Variants in SOX6 observed in about 807,000 individuals in gnomAD.
The protein encoded by SOX6 is SRY-box transcription factor 6.
In SOX6, 11 loss-of-function variants were observed where a neutral mutation model predicts 97.8. The ratio of observed to expected loss-of-function variants is 0.11; its 90% CI spans 0.07 to 0.19. The LOEUF (loss-of-function observed/expected upper bound fraction) is 0.19. Among genes scored for constraint, SOX6 ranks in the 10% least tolerant of loss-of-function variants. The pLI is 1.00. For missense variants in SOX6, 810 were observed against 1,039.5 expected (o/e 0.78, Z 3.04); for synonymous variants, 360 against 371.4 (o/e 0.97, Z 0.35).
At chr11:16,732,510 G>A (rs1848358314) in intron 2 of SOX6, among the ~76,000 whole-genome samples, 1 of 152,170 alleles carries the variant, frequency 6.6e-6, no homozygotes, top group African/African-American at 2.4e-5. Context: ...TTACTAAATG[G>A]CTTTGGGAAA....
At chr11:16,021,054 A>G (rs1855044326) in intron 12 of SOX6, among the ~76,000 whole-genome samples, 1 of 152,164 alleles carries the variant, frequency 6.6e-6, no homozygotes, top group Non-Finnish European at 1.5e-5. Flanking sequence ...AGAAGAGCAC[A>G]ATAGAAAAAT....
At chr11:16,244,486 T>C (rs1853278951) in intron 3 of SOX6, among the ~76,000 whole-genome samples, 1 of 151,778 alleles carries the variant, frequency 6.6e-6, no homozygotes, top group South Asian at 2.1e-4. Context: ...TTTTCTGGAT[T>C]CTCTCTATGA....
At chr11:16,628,599 G>A (rs1473187500) in intron 3 of SOX6, among the ~76,000 whole-genome samples, 1 of 150,644 alleles carries the variant, frequency 6.6e-6, no homozygotes, top group Non-Finnish European at 1.5e-5. Context: ...CTCCAGCCTA[G>A]GCGACAGCAA....
intron 4 of SOX6, among the ~76,000 whole-genome samples, chr11:16,562,528 C>T (rs906220915): frequency 6.6e-6 from 1 of 152,128 alleles, no homozygotes; most frequent in Non-Finnish European, 1.5e-5. Flanking sequence ...AGAAAAAATA[C>T]TATGGCTCCA....
chr11:16,149,074 G>C (rs1484901103), intron 6 of SOX6, among the ~76,000 whole-genome samples: 3 of 152,108 alleles, frequency 2.0e-5, no homozygotes, highest in East Asian at 1.9e-4. Context: ...CCTTCTCAAA[G>C]TTAACTACCA....
intron 3 of SOX6, among the ~76,000 whole-genome samples, chr11:16,685,220 TA>T (rs1009161976): frequency 2.0e-5 from 3 of 151,766 alleles, no homozygotes; most frequent in African/African-American, 4.8e-5. Flanking sequence ...AAAAATAAAT[TA>T]AAAAAAATAC....
chr11:16,202,958 T>C (rs1851978403), intron 4 of SOX6, among the ~76,000 whole-genome samples: 1 of 152,220 alleles, frequency 6.6e-6, no homozygotes, highest in Middle Eastern at 3.4e-3. Context: ...AAAAAGATTC[T>C]GCCATTCGTG....
chr11:16,205,914 A>C (rs2134134453), intron 4 of SOX6, among the ~76,000 whole-genome samples: 1 of 152,224 alleles, frequency 6.6e-6, no homozygotes, highest in East Asian at 1.9e-4. Context: ...GTAACCTATA[A>C]GGATACTTCT....
At chr11:16,326,232 G>A (rs1184135570) in intron 2 of SOX6, among the ~76,000 whole-genome samples, 1 of 151,984 alleles carries the variant, frequency 6.6e-6, no homozygotes, top group African/African-American at 2.4e-5. Flanking sequence ...TCTTTTTCTA[G>A]GTAAAACTCC....
intron 3 of SOX6, among the ~76,000 whole-genome samples, chr11:16,701,776 G>C (rs1027164943): frequency 5.0e-5 from 7 of 139,610 alleles, no homozygotes; most frequent in East Asian, 2.5e-4. Flanking sequence ...AGGGGTTCGG[G>C]GGGGTGGGAG....
At chr11:16,491,498 CTATG>C (rs1186157066) in intron 4 of SOX6, among the ~76,000 whole-genome samples, 3 of 151,496 alleles carry the variant, frequency 2.0e-5, no homozygotes, top group Non-Finnish European at 4.4e-5. Flanking sequence ...TTCCAACAGT[CTATG>C]TGTGTGTGTG....
chr11:16,630,782 T>C (rs1166332219), intron 3 of SOX6, among the ~76,000 whole-genome samples: 1 of 152,208 alleles, frequency 6.6e-6, no homozygotes, highest in Non-Finnish European at 1.5e-5. Context: ...TTGGATGTGT[T>C]ATATGTAGGA....
chr11:16,515,328 G>T (rs534292134), intron 4 of SOX6, among the ~76,000 whole-genome samples: 120 of 150,376 alleles, frequency 8.0e-4, no homozygotes, highest in Non-Finnish European at 1.6e-3. Flanking sequence ...TGTGTTTTTT[G>T]GCTGCATAAA....
chr11:16,520,677 T>C (rs1471125048), intron 4 of SOX6, among the ~76,000 whole-genome samples: 5 of 152,344 alleles, frequency 3.3e-5, no homozygotes, highest in Non-Finnish European at 7.3e-5. Context: ...GGGCGAGGCA[T>C]GGCCTCACTC....
chr11:16,007,015 G>C (rs1030386259), intron 13 of SOX6, among the ~76,000 whole-genome samples: 3 of 151,830 alleles, frequency 2.0e-5, no homozygotes, highest in Admixed American at 2.0e-4. Context: ...AGCAGATAGT[G>C]AGTGCAGGCA....
chr11:16,169,538 C>T (rs1850975666), intron 6 of SOX6, among the ~76,000 whole-genome samples: 1 of 149,320 alleles, frequency 6.7e-6, no homozygotes, highest in African/African-American at 2.5e-5. Context: ...AAAGTAGAGA[C>T]ATACCTGTAA....
chr11:16,218,969 C>G (rs1285895001), intron 4 of SOX6, among the ~76,000 whole-genome samples: 1 of 152,066 alleles, frequency 6.6e-6, no homozygotes, highest in Non-Finnish European at 1.5e-5. Flanking sequence ...AAGCTGTACC[C>G]CTCTTGCACT....
chr11:16,727,576 C>T (rs535565418), intron 2 of SOX6, among the ~76,000 whole-genome samples: 4 of 151,136 alleles, frequency 2.6e-5, no homozygotes, highest in East Asian at 2.0e-4. Context: ...ATTACAGGCA[C>T]GCGCCACAAC....
chr11:16,050,135 T>C (rs1847649834), intron 10 of SOX6, among the ~76,000 whole-genome samples, 197 bp from the exon 11 acceptor site: 1 of 152,190 alleles, frequency 6.6e-6, no homozygotes, highest in Non-Finnish European at 1.5e-5. Flanking sequence ...TATGCTTCTA[T>C]TTACATTAAC....
Sources: gnomAD v4.1 joint callset for allele counts (sites outside exome capture counted in the v4.1 genomes callset) on GRCh38, gnomAD v4.1.1 for gene constraint, MANE v1.5 for transcripts, NCBI Gene and HGNC (gene_info 2026-07-23, HGNC 2026-07-21) for gene names.